HLTF: variants seen among roughly 807,000 people sequenced by gnomAD.
HLTF encodes the protein DNA-dependent ATPase/E3 ubiquitin-protein ligase HLTF.
A neutral mutation model predicts 129.4 loss-of-function variants in HLTF; 127 were observed. That is an observed-to-expected ratio of 0.98 (90% CI 0.85 to 1.14). HLTF has a LOEUF of 1.14. HLTF is among the 50% of genes most tolerant of loss of function. The pLI is 0.00. For missense variants in HLTF, 1,139 were observed against 1,187.1 expected (o/e 0.96, Z 0.60); for synonymous variants, 332 against 388.8 (o/e 0.85, Z 1.72).
Position 149,052,607 on chromosome 3 carries a change from G to A in HLTF, c.1474-2232C>T, listed in dbSNP as rs150268440. On this transcript the variant is annotated intron_variant, in intron 14 of 24. Transcript: ENST00000310053. ...GATCTCTGCAAAGGGAGTTTCTGTA[G>A]TGAGTGGAAGCAAAAACCAGACTAC... 4.2e-3 allele frequency among the ~76,000 whole-genome samples: 643 copies of A among 152,266 alleles called. 3 individuals carry two copies. Among genetic ancestry groups the A allele is most frequent in the Non-Finnish European group, 7.8e-3 (529 of 68,012 alleles).
chr3:149,039,481 T>C (rs1350260233), intron 22 of HLTF, 100 bp downstream of exon 22: 1 of 660,802 alleles, frequency 1.5e-6, no homozygotes, highest in African/African-American at 1.9e-5. Context: ...ATAAAATGAC[T>C]AAAACTGGCA....
intron 17 of HLTF, among the ~76,000 whole-genome samples, chr3:149,046,876 TAA>T (rs1347671001): frequency 6.6e-6 from 1 of 152,172 alleles, no homozygotes; most frequent in Non-Finnish European, 1.5e-5. Context: ...CATTGAAATA[TAA>T]ATACAATTTC....
intron 12 of HLTF, 52 bp from the exon 13 acceptor site, chr3:149,059,859 A>C: frequency 5.7e-6 from 6 of 1,049,102 alleles, no homozygotes; most frequent in Non-Finnish European, 8.8e-6. Flanking sequence ...CTCCTGTGCT[A>C]GAGTACAGGT....
At chr3:149,061,932 T>C (rs2108020466) in intron 10 of HLTF, among the ~76,000 whole-genome samples, 1 of 151,048 alleles carries the variant, frequency 6.6e-6, no homozygotes, top group African/African-American at 2.4e-5. Context: ...AAGGCAAAAA[T>C]GTAATTCTTT....
At chr3:149,085,710 C>T (rs762020302) in intron 1 of HLTF, among the ~76,000 whole-genome samples, 40 of 152,204 alleles carry the variant, frequency 2.6e-4, no homozygotes, top group Non-Finnish European at 5.3e-4. Context: ...CACCCGTACC[C>T]GCCTTCCGTC....
rs1041988647 is a variant in HLTF at position 149,059,718 on chromosome 3, C to A, written c.1375G>T (p.Gly459Ter). 3 of 1,560,122 alleles carry A rather than the reference C, an allele frequency of 1.9e-6. No homozygotes were observed. The highest frequency in any genetic ancestry group is 2.6e-6 in the Non-Finnish European group (3 of 1,146,190). Reference protein sequence around the residue: ...PTTKKKMLKKGACAVEGSKKT... With the variant: ...PTTKKKMLKK ...CTAGAAAACAAGGATATTTACTGACCCTTTTTCAACATTTTCTTTTTTGTT... is the reference window on the plus strand; with the variant it reads ...CTAGAAAACAAGGATATTTACTGACACTTTTTCAACATTTTCTTTTTTGTT... Residue 459 changes from glycine to a stop codon, truncating the protein, a stop_gained and splice_region_variant, in exon 13 of 25, where the codon GGA (glycine) becomes TGA (stop). Coordinates refer to ENST00000310053, the MANE Select transcript of HLTF (RefSeq NM_003071.4). LOFTEE classifies it high-confidence loss of function.
rs533866025 is a variant in HLTF at position 149,086,470 on chromosome 3, G to A, written c.-134C>T. The A allele has an allele frequency of 1.1e-5, 11 of 1,001,558 alleles. No homozygotes were observed. The highest frequency in any genetic ancestry group is 9.8e-5 in the African/African-American group (6 of 61,494). The allele number at this position is 1,001,558 out of a possible 1,614,324, so 62.0% of individuals were successfully genotyped here. A position where few individuals can be genotyped will look rare whatever the true frequency, so the allele number is the denominator to read the frequency against. On this transcript the variant is annotated 5_prime_UTR_variant, in exon 1 of 25. Transcript: ENST00000310053. ...TCCGAGCGCCGGATCAGGAGCGCAC[G>A]ACTGAAAGGTAAGTCGCCGCGAGTC...
intron 2 of HLTF, among the ~76,000 whole-genome samples, chr3:149,076,401 A>G (rs969205963): frequency 2.0e-5 from 3 of 152,208 alleles, no homozygotes; most frequent in African/African-American, 7.2e-5. Context: ...GTCTAAGTAC[A>G]TTGCACAGAC....
chr3:149,085,535 G>C lies in HLTF; in HGVS notation c.21-646C>G, dbSNP rs562412438. On this transcript the variant is annotated intron_variant, in intron 1 of 24. Coordinates refer to ENST00000310053, the MANE Select transcript of HLTF (RefSeq NM_003071.4). ...AAATCATATGCCAAAATTTCAATAG[G>C]GATTGAGCTATATAAAAGACTTATA... 2.2e-4 allele frequency among the ~76,000 whole-genome samples: 34 copies of C among 152,168 alleles called. No homozygotes were observed. The South Asian group carries it at 7.1e-3, about 32-fold the overall frequency.
chr3:149,041,441 G>T, intron 20 of HLTF, 49 bp downstream of exon 20: 1 of 1,251,746 alleles, frequency 8.0e-7, no homozygotes, highest in Non-Finnish European at 1.1e-6. Context: ...ATTAAAGACA[G>T]GTACACTACT....
intron 6 of HLTF, 36 bp from the exon 7 acceptor site, chr3:149,071,479 G>T: frequency 6.5e-7 from 1 of 1,542,514 alleles, no homozygotes; most frequent in Non-Finnish European, 8.9e-7. Flanking sequence ...AATACATTAA[G>T]CCATTCCTTT....
rs765886230 is a variant in HLTF, at chr3:149,035,027, C to A, written c.2797-29G>T. On this transcript the variant is annotated intron_variant, in intron 23 of 24. Coordinates refer to ENST00000310053, the MANE Select transcript of HLTF (RefSeq NM_003071.4). ...ACAAGAACATGGATGAGTTACTTTA[C>A]TACTGCCCTGATCTTTCAGTGTTTT... 9.5e-6 allele frequency: 14 copies of A among 1,467,928 alleles called. 1 individual carries two copies. In the South Asian group the frequency reaches 1.6e-4, roughly 17 times the overall value. 90.9% of individuals were successfully genotyped at this position (1,467,928 alleles called of 1,614,324 possible). A position where few individuals can be genotyped will look rare whatever the true frequency, so the allele number is the denominator to read the frequency against.
At position 149,086,507 on chromosome 3, in the gene HLTF, C is replaced by T. The variant is rs539615855; in HGVS notation, c.-171G>A. 1.5e-6 allele frequency: 1 copy of T among 663,816 alleles called. No individual in the cohort carries two copies. Among genetic ancestry groups the T allele is most frequent in the Non-Finnish European group, 2.6e-6 (1 of 384,288 alleles). 41.1% of individuals were successfully genotyped at this position (663,816 alleles called of 1,614,324 possible). ...AGTCGCCGCGAGTCCAGTCAGACGT[C>T]GACGCCGTCTCCTTCTGCAACAATC... On this transcript the variant is annotated 5_prime_UTR_variant, in exon 1 of 25. Transcript: ENST00000310053.
At chr3:149,035,837 TAAAA>T (rs1394422497) in intron 23 of HLTF, among the ~76,000 whole-genome samples, 10 of 152,090 alleles carry the variant, frequency 6.6e-5, no homozygotes, top group South Asian at 4.2e-4. Flanking sequence ...TGTTTTAAGC[TAAAA>T]AATAAAATGA....
intron 2 of HLTF, among the ~76,000 whole-genome samples, chr3:149,077,267 T>C (rs1219854307): frequency 3.3e-5 from 5 of 149,538 alleles, no homozygotes; most frequent in African/African-American, 9.8e-5. Context: ...AATAAATAAA[T>C]AAATAAATAA....
Position 149,075,916 on chromosome 3 carries a change from G to C in HLTF, c.360C>G (p.Ala120=). 2 of 1,608,534 alleles carry C rather than the reference G, an allele frequency of 1.2e-6. No homozygotes were observed. Among genetic ancestry groups the C allele is most frequent in the Non-Finnish European group, 1.7e-6 (2 of 1,176,610 alleles). Residue 120 remains alanine (A), a synonymous_variant, in exon 3 of 25, where the codon GCC becomes GCG. Coordinates refer to ENST00000310053, the MANE Select transcript of HLTF (RefSeq NM_003071.4). ...GTGCCAATTTGTTGTCCATGATATA[G>C]GCCAAAGCACCTGCAAGCTCTTTCT... is the stretch of plus-strand genomic sequence containing the variant. ...HLKKELAGAL[A]YIMDNKLAQI... is the part of the protein sequence containing the mutation.
chr3:149,058,917 T>C (rs1166184144), intron 13 of HLTF, among the ~76,000 whole-genome samples: 1 of 152,222 alleles, frequency 6.6e-6, no homozygotes, highest in African/African-American at 2.4e-5. Flanking sequence ...CACATTTCTT[T>C]AAATTTCTAA....
chr3:149,041,978 C>T (rs1716168662), intron 19 of HLTF, 188 bp downstream of exon 19: 2 of 604,564 alleles, frequency 3.3e-6, no homozygotes, highest in Admixed American at 6.0e-5. Context: ...CCTGGAAAGA[C>T]CTCATTATAA....
intron 5 of HLTF, 45 bp from the exon 6 acceptor site, chr3:149,071,702 AAAT>A: frequency 8.9e-7 from 1 of 1,129,838 alleles, no homozygotes; most frequent in Non-Finnish European, 1.3e-6. Context: ...AAACTAATTA[AAAT>A]AATACTTGCA....
Sources: allele counts gnomAD v4.1 joint callset (sites outside exome capture counted in the v4.1 genomes callset), GRCh38; gene constraint gnomAD v4.1.1; transcripts MANE v1.5; gene names NCBI Gene and HGNC (gene_info 2026-07-23, HGNC 2026-07-21).